GPC5: variants seen among roughly 807,000 people sequenced by gnomAD.
GPC5 encodes glypican-5.
In GPC5, 47 loss-of-function variants were observed where a neutral mutation model predicts 53.9. The ratio of observed to expected loss-of-function variants is 0.87; its 90% confidence interval spans 0.69 to 1.11. The LOEUF is 1.11. Among genes scored for constraint, GPC5 ranks in the 50% most tolerant of loss-of-function variants. The pLI is 0.00. For synonymous variants in GPC5, 286 were observed against 263.3 expected, an observed-to-expected ratio of 1.09 and a Z score of -0.84; for missense variants, 748 against 713.1, an observed-to-expected ratio of 1.05 and a Z score of -0.56.
At chr13:92,057,390 C>G (rs1044219274) in intron 6 of GPC5, among the ~76,000 whole-genome samples, 4 of 152,206 alleles carry the variant, frequency 2.6e-5, no homozygotes, top group African/African-American at 9.6e-5. Context: ...TCCAGCTAAG[C>G]CTTGCCCAAA....
At chr13:92,412,561 A>G (rs1385385512) in intron 7 of GPC5, among the ~76,000 whole-genome samples, 2 of 152,248 alleles carry the variant, frequency 1.3e-5, no homozygotes, top group African/African-American at 4.8e-5. Context: ...TGATAATTAT[A>G]TGAAATTAAA....
At position 92,247,519 on chromosome 13, in the gene GPC5, A is replaced by G. The variant is rs189398900; in HGVS notation, c.1561+102530A>G. Among the ~76,000 whole-genome samples, 18 of 152,272 alleles carry G rather than the reference A, an allele frequency of 1.2e-4. No homozygotes were observed. In the East Asian group the frequency reaches 2.3e-3, roughly 20 times the overall value. On this transcript the variant is annotated intron_variant, in intron 7 of 7. Transcript: ENST00000377067. ...AATCAAGCAAGTATAAATTATGACTATAGTTCAACAGTAAATAGAAATTCT... is the reference window on the plus strand; with the variant it reads ...AATCAAGCAAGTATAAATTATGACTGTAGTTCAACAGTAAATAGAAATTCT...
intron 6 of GPC5, among the ~76,000 whole-genome samples, chr13:92,059,610 A>G (rs971844611): frequency 3.9e-5 from 6 of 152,062 alleles, no homozygotes; most frequent in African/African-American, 1.2e-4. Context: ...GATGTCATTT[A>G]TAATGACGGT....
chr13:91,914,152 A>C (rs1293880914), intron 6 of GPC5, among the ~76,000 whole-genome samples: 1 of 152,152 alleles, frequency 6.6e-6, no homozygotes, highest in Non-Finnish European at 1.5e-5. Context: ...GACATCTATC[A>C]TTTTTCAAAG....
chr13:92,866,227 C>A, intron 7 of GPC5, 55 bp from the exon 8 acceptor site: 1 of 1,497,636 alleles, frequency 6.7e-7, no homozygotes, highest in Non-Finnish European at 9.1e-7. Flanking sequence ...TTGTTCTAGA[C>A]GTATTATGGT....
intron 7 of GPC5, among the ~76,000 whole-genome samples, chr13:92,149,016 T>C (rs1466434304): frequency 6.6e-6 from 1 of 152,092 alleles, no homozygotes; most frequent in African/African-American, 2.4e-5. Context: ...AAGTAAGTAA[T>C]ACATAATCCA....
intron 7 of GPC5, among the ~76,000 whole-genome samples, chr13:92,271,199 C>A (rs535890689): frequency 9.2e-5 from 14 of 152,296 alleles, no homozygotes; most frequent in African/African-American, 3.4e-4. Flanking sequence ...CTATGTAGAG[C>A]AATGCCAGGG....
At chr13:92,009,253 CGTGTGTGT>C (rs3059952) in intron 6 of GPC5, among the ~76,000 whole-genome samples, 4 of 139,830 alleles carry the variant, frequency 2.9e-5, no homozygotes, top group African/African-American at 5.3e-5. Flanking sequence ...GCTGGATTTT[CGTGTGTGT>C]GTGTGTGTGT....
chr13:92,427,271 C>T (rs887375880), intron 7 of GPC5, among the ~76,000 whole-genome samples: 1 of 149,886 alleles, frequency 6.7e-6, no homozygotes, highest in Non-Finnish European at 1.5e-5. Flanking sequence ...GTTTTTAAAA[C>T]CTAACTCCTC....
chr13:92,047,231 A>C (rs1348702638), intron 6 of GPC5, among the ~76,000 whole-genome samples: 3 of 151,886 alleles, frequency 2.0e-5, no homozygotes, highest in African/African-American at 4.8e-5. Flanking sequence ...ATCCCTGATC[A>C]TTTTTTTTAT....
At chr13:92,562,174 A>G (rs1188850608) in intron 7 of GPC5, among the ~76,000 whole-genome samples, 1 of 152,014 alleles carries the variant, frequency 6.6e-6, no homozygotes, top group Non-Finnish European at 1.5e-5. Flanking sequence ...ATTGCTTCTT[A>G]CCTCCTCACC....
At chr13:92,101,357 C>T (rs1386287448) in intron 6 of GPC5, among the ~76,000 whole-genome samples, 1 of 152,166 alleles carries the variant, frequency 6.6e-6, no homozygotes, top group Non-Finnish European at 1.5e-5. Flanking sequence ...GGCTTAGCAA[C>T]CCCATTCCTT....
intron 5 of GPC5, among the ~76,000 whole-genome samples, chr13:91,888,388 A>C (rs572164782): frequency 1.3e-5 from 2 of 152,300 alleles, no homozygotes; most frequent in African/African-American, 4.8e-5. Context: ...TGTCATTAAT[A>C]TCTAACAGGA....
rs118043224 is a variant in GPC5 at position 91,993,866 on chromosome 13, G to A, written c.1401+85809G>A. On this transcript the variant is annotated intron_variant, in intron 6 of 7. Coordinates refer to ENST00000377067, the MANE Select transcript of GPC5 (RefSeq NM_004466.6). Reference sequence around the variant, plus strand: ...AAGCTAGAAAATAAGAAAATGATCAGGATGTCTGTGACAATATTATATAAT... The same window carrying A: ...AAGCTAGAAAATAAGAAAATGATCAAGATGTCTGTGACAATATTATATAAT... Among the ~76,000 whole-genome samples the A allele has an allele frequency of 8.1e-4, 123 of 152,188 alleles. 1 individual carries two copies. The East Asian group carries it at 0.012, about 15-fold the overall frequency.
At chr13:91,560,358 C>G (rs1566504958) in intron 2 of GPC5, among the ~76,000 whole-genome samples, 1 of 152,050 alleles carries the variant, frequency 6.6e-6, no homozygotes, top group African/African-American at 2.4e-5. Context: ...ATCTTTTGTC[C>G]TCCAGACTAT....
intron 1 of GPC5, among the ~76,000 whole-genome samples, chr13:91,444,404 G>T (rs78468695): frequency 0.036 from 5,446 of 152,046 alleles, 144 homozygotes; most frequent in Middle Eastern, 0.068. Context: ...ATATTATTCT[G>T]TTTCTTATTC....
intron 6 of GPC5, among the ~76,000 whole-genome samples, chr13:92,115,372 G>A (rs1008500375): frequency 4.6e-5 from 7 of 152,094 alleles, no homozygotes; most frequent in Admixed American, 4.6e-4. Context: ...TGGGCATGGG[G>A]GTGCATGCCT....
chr13:91,651,579 G>A (rs946184495), intron 2 of GPC5, among the ~76,000 whole-genome samples: 1 of 152,124 alleles, frequency 6.6e-6, no homozygotes, highest in Non-Finnish European at 1.5e-5. Flanking sequence ...ATTAGCTAGT[G>A]TGGTGGCACA....
chr13:91,614,777 C>A (rs548015078), intron 2 of GPC5, among the ~76,000 whole-genome samples: 1 of 152,066 alleles, frequency 6.6e-6, no homozygotes, highest in Non-Finnish European at 1.5e-5. Flanking sequence ...AAGCTTTCAC[C>A]GATGTTTATA....
Sources: allele counts gnomAD v4.1 joint callset (sites outside exome capture counted in the v4.1 genomes callset), GRCh38; gene constraint gnomAD v4.1.1; transcripts MANE v1.5; gene names NCBI Gene and HGNC (gene_info 2026-07-23, HGNC 2026-07-21).